The following GGNBP2 variants were observed in gnomAD, a reference collection of about 807,000 sequenced individuals.
GGNBP2 encodes gametogenetin-binding protein 2.
Under a neutral mutation model 85.9 loss-of-function variants are expected in GGNBP2, and 10 were observed. The ratio of observed to expected loss-of-function variants is 0.12; its 90% CI spans 0.07 to 0.20. The LOEUF (loss-of-function observed/expected upper bound fraction) is 0.20. GGNBP2 is among the 10% of genes least tolerant of loss of function. The probability of loss-of-function intolerance (pLI) is 1.00; values close to 1 mark genes in which losing one functional copy is unlikely to be tolerated. For missense variants in GGNBP2, 595 were observed against 857.8 expected, an observed-to-expected ratio of 0.69 and a Z score of 3.83; for synonymous variants, 287 against 285.7, an observed-to-expected ratio of 1.00 and a Z score of -0.05.
chr17:36,561,583 T>C (rs1020860829), intron 5 of GGNBP2, among the ~76,000 whole-genome samples: 2 of 152,192 alleles, frequency 1.3e-5, no homozygotes, highest in African/African-American at 4.8e-5. Flanking sequence ...TATGACGATA[T>C]TATGACAATA....
At chr17:36,581,284 C>CAAA in intron 8 of GGNBP2, 60 bp from the exon 9 acceptor site, 1 of 1,037,184 alleles carries the variant, frequency 9.6e-7, no homozygotes, top group Non-Finnish European at 1.4e-6. Flanking sequence ...GATTCCGTCT[C>CAAA]AAAAAAAAAA....
At chr17:36,559,782 A>G (rs1011711037) in intron 4 of GGNBP2, among the ~76,000 whole-genome samples, 1 of 152,138 alleles carries the variant, frequency 6.6e-6, no homozygotes, top group Admixed American at 6.6e-5. Flanking sequence ...GGTAGAGGTG[A>G]TAAGAAGTGA....
At chr17:36,587,527 T>G in intron 13 of GGNBP2, 1 of 349,878 alleles carries the variant, frequency 2.9e-6, no homozygotes, top group East Asian at 4.7e-5. Context: ...CCATTATAAC[T>G]CAAAAATACT....
chr17:36,577,758 A>ATG, intron 6 of GGNBP2: 1 of 578,650 alleles, frequency 1.7e-6, no homozygotes, highest in Non-Finnish European at 3.1e-6. Flanking sequence ...CTTTTAGGCT[A>ATG]TGTGTTTCTC....
chr17:36,585,154 A>G (rs2074688305), intron 9 of GGNBP2, 146 bp from the exon 10 acceptor site: 1 of 640,720 alleles, frequency 1.6e-6, no homozygotes, highest in African/African-American at 1.9e-5. Context: ...TTTACCCACC[A>G]TTACTTTTGT....
At position 36,587,523 on chromosome 17, in the gene GGNBP2, T is replaced by C. The variant is rs148435091; in HGVS notation, c.1890+278T>C. ...GGGTTACATTCCAATAAACCCATTA[T>C]AACTCAAAAATACTGCGAGTTGAAA... On this transcript the variant is annotated intron_variant, in intron 13 of 13. Transcript: ENST00000613102. The C allele has an allele frequency of 1.4e-3, 533 of 374,324 alleles. 1 individual carries two copies. The highest frequency in any genetic ancestry group is 0.01 in the African/African-American group (504 of 50,150). 23.2% of individuals were successfully genotyped at this position (374,324 alleles called of 1,614,324 possible). A position where few individuals can be genotyped will look rare whatever the true frequency, so the allele number is the denominator to read the frequency against.
Position 36,574,832 on chromosome 17 carries a change from C to T in GGNBP2, c.642-3151C>T, listed in dbSNP as rs543567143. The T allele has an allele frequency of 1.0e-5, 7 of 686,738 alleles. 1 individual carries two copies. In the African/African-American group the frequency reaches 1.1e-4, roughly 10 times the overall value. 42.5% of individuals were successfully genotyped at this position (686,738 alleles called of 1,614,324 possible). A position where few individuals can be genotyped will look rare whatever the true frequency, so the allele number is the denominator to read the frequency against. ...GTGGGGCTTGCTGATCTTGTTCCCC[C>T]AGTAGCCTCTGTGCACAGGGACAAT... On this transcript the variant is annotated intron_variant, in intron 6 of 13. Coordinates refer to ENST00000613102, the MANE Select transcript of GGNBP2 (RefSeq NM_024835.5).
At chr17:36,577,843 C>G in intron 6 of GGNBP2, 140 bp from the exon 7 acceptor site, 1 of 689,408 alleles carries the variant, frequency 1.5e-6, no homozygotes. Context: ...ACCTTATGTG[C>G]GTATGTTTTA....
chr17:36,567,642 T>C, intron 5 of GGNBP2, 21 bp from the exon 6 acceptor site: 1 of 1,254,702 alleles, frequency 8.0e-7, no homozygotes. Flanking sequence ...CCCTTTTCAC[T>C]AATATTTGTT....
At chr17:36,565,886 ACT>A (rs578051645) in intron 5 of GGNBP2, among the ~76,000 whole-genome samples, 33 of 152,222 alleles carry the variant, frequency 2.2e-4, no homozygotes, top group African/African-American at 7.2e-4. Flanking sequence ...ACAGAGTGAG[ACT>A]CTGTCTCAAA....
Position 36,586,198 on chromosome 17 carries a change from T to C in GGNBP2, c.1641T>C (p.His547=), listed in dbSNP as rs774323810. ...GCAAGATACTGAAATGTGATGAACA[T>C]GTAAGTGTCATAACTTGTAATTCTT... ...KKSKILKCDE[H]IQKLGSCITD... is the part of the protein sequence containing the mutation. Residue 547 remains histidine (H), a splice_region_variant and synonymous_variant, in exon 12 of 14, where the codon CAT becomes CAC. Transcript: ENST00000613102. The C allele has an allele frequency of 6.2e-7, 1 of 1,610,540 alleles. No individual in the cohort carries two copies. The highest frequency in any genetic ancestry group is 8.5e-7 in the Non-Finnish European group (1 of 1,179,494).
intron 2 of GGNBP2, chr17:36,546,036 C>A (rs1174944009): frequency 1.8e-5 from 9 of 504,022 alleles, no homozygotes; most frequent in Admixed American, 3.4e-5. Flanking sequence ...CTCCCTCTCT[C>A]CAGATTTTCC....
chr17:36,582,716 T>C (rs1443175655), intron 9 of GGNBP2, among the ~76,000 whole-genome samples: 1 of 152,198 alleles, frequency 6.6e-6, no homozygotes, highest in East Asian at 1.9e-4. Flanking sequence ...AGTTATCTCT[T>C]TACCTGACTT....
At chr17:36,582,169 G>A (rs12949679) in intron 9 of GGNBP2, 45,331 of 152,074 alleles carry the variant, frequency 0.3, 8,325 homozygotes, top group Non-Finnish European at 0.41. Flanking sequence ...ATGAACCACC[G>A]TGCCTGGCCT....
At chr17:36,554,348 T>C (rs568768929) in intron 2 of GGNBP2, among the ~76,000 whole-genome samples, 165 of 136,648 alleles carry the variant, frequency 1.2e-3, no homozygotes, top group African/African-American at 4.4e-3. Context: ...TCTTATGTAC[T>C]TGAATTTTTT....
chr17:36,551,214 T>C (rs1351108506), intron 2 of GGNBP2, among the ~76,000 whole-genome samples: 1 of 152,136 alleles, frequency 6.6e-6, no homozygotes, highest in Non-Finnish European at 1.5e-5. Flanking sequence ...ATTGACTTTT[T>C]TTTTTTTTTG....
intron 8 of GGNBP2, 65 bp from the exon 9 acceptor site, chr17:36,581,279 C>T (rs1473964180): frequency 2.9e-5 from 32 of 1,111,752 alleles, no homozygotes; most frequent in Admixed American, 2.5e-4. Context: ...AGCAAGATTC[C>T]GTCTCAAAAA....
At chr17:36,584,970 A>G (rs2074686273) in intron 9 of GGNBP2, among the ~76,000 whole-genome samples, 1 of 151,252 alleles carries the variant, frequency 6.6e-6, no homozygotes, top group Non-Finnish European at 1.5e-5. Context: ...AAAAAAAAGG[A>G]AAAAGTATAT....
intron 5 of GGNBP2, among the ~76,000 whole-genome samples, chr17:36,566,781 A>T (rs1472163134): frequency 6.6e-6 from 1 of 152,130 alleles, no homozygotes; most frequent in Admixed American, 6.6e-5. Flanking sequence ...TATTCACTGT[A>T]ATTAATCTAT....
Sources: gnomAD v4.1 joint callset for allele counts (sites outside exome capture counted in the v4.1 genomes callset) on GRCh38, gnomAD v4.1.1 for gene constraint, MANE v1.5 for transcripts, NCBI Gene and HGNC (gene_info 2026-07-23, HGNC 2026-07-21) for gene names.